CDH6: variants seen among roughly 807,000 people sequenced by gnomAD.
CDH6 encodes cadherin 6.
In CDH6, 31 loss-of-function variants were observed where a neutral mutation model predicts 78.0. That is an observed-to-expected ratio of 0.40 (90% confidence interval 0.30 to 0.54). CDH6 has a LOEUF of 0.54. CDH6 is among the 20% of genes least tolerant of loss of function. The probability of loss-of-function intolerance (pLI) is 0.56; values close to 1 mark genes in which losing one functional copy is unlikely to be tolerated. For missense variants in CDH6, 724 were observed against 975.9 expected (o/e 0.74, Z 3.44); for synonymous variants, 376 against 368.8 (o/e 1.02, Z -0.23).
At chr5:31,230,883 A>G (rs1741295187) in intron 1 of CDH6, among the ~76,000 whole-genome samples, 1 of 152,204 alleles carries the variant, frequency 6.6e-6, no homozygotes, top group Non-Finnish European at 1.5e-5. Context: ...GTGAATGAAA[A>G]GATTAGTGTG....
intron 1 of CDH6, among the ~76,000 whole-genome samples, chr5:31,257,036 C>T (rs1041843410): frequency 6.6e-6 from 1 of 152,200 alleles, no homozygotes; most frequent in Non-Finnish European, 1.5e-5. Flanking sequence ...ACATCCATGC[C>T]TTTTCAAACC....
At chr5:31,282,220 T>G (rs936481545) in intron 2 of CDH6, among the ~76,000 whole-genome samples, 1 of 152,136 alleles carries the variant, frequency 6.6e-6, no homozygotes, top group Non-Finnish European at 1.5e-5. Context: ...AGAAATGGGT[T>G]TCACTGGGCT....
chr5:31,268,533 A>T (rs1412698706), intron 2 of CDH6, among the ~76,000 whole-genome samples: 3 of 152,228 alleles, frequency 2.0e-5, no homozygotes, highest in Admixed American at 2.0e-4. Context: ...TACTGAAAAG[A>T]TGTCAAAGAA....
chr5:31,237,435 A>T (rs1034489788), intron 1 of CDH6, among the ~76,000 whole-genome samples: 7 of 152,132 alleles, frequency 4.6e-5, no homozygotes, highest in African/African-American at 1.4e-4. Flanking sequence ...GAGAGATCAT[A>T]CTTCATGTTG....
intron 7 of CDH6, among the ~76,000 whole-genome samples, chr5:31,307,213 T>C (rs182760451): frequency 2.6e-5 from 4 of 152,336 alleles, no homozygotes; most frequent in African/African-American, 9.6e-5. Context: ...CCTTTGAGTA[T>C]AAGAGTTAAC....
chr5:31,196,550 G>A (rs961374557), intron 1 of CDH6, among the ~76,000 whole-genome samples: 3 of 152,170 alleles, frequency 2.0e-5, no homozygotes, highest in Non-Finnish European at 2.9e-5. Context: ...GGGACCTCTA[G>A]TGGGTCACTC....
intron 1 of CDH6, among the ~76,000 whole-genome samples, chr5:31,202,684 T>A (rs756158202): frequency 6.6e-6 from 1 of 151,472 alleles, no homozygotes; most frequent in Middle Eastern, 3.4e-3. Context: ...TGCAACTGTA[T>A]GTATATATAC....
At chr5:31,293,852 C>A in intron 2 of CDH6, 110 bp from the exon 3 acceptor site, 2 of 621,650 alleles carry the variant, frequency 3.2e-6, no homozygotes, top group Non-Finnish European at 5.2e-6. Flanking sequence ...AACTTGTATT[C>A]CTTAGAAAGA....
chr5:31,199,683 G>GTA (rs1369706220), intron 1 of CDH6, among the ~76,000 whole-genome samples: 53 of 59,676 alleles, frequency 8.9e-4, no homozygotes, highest in Admixed American at 2.6e-3. Flanking sequence ...GTGTGTGTGT[G>GTA]TGTATATATA....
chr5:31,313,528 G>C (rs1738214257), intron 8 of CDH6, 74 bp downstream of exon 8: 1 of 1,396,272 alleles, frequency 7.2e-7, no homozygotes, highest in Non-Finnish European at 9.9e-7. Flanking sequence ...GTGGAGCGTA[G>C]CTTGTCACCA....
chr5:31,319,391 G>T (rs970915603), intron 11 of CDH6, among the ~76,000 whole-genome samples: 4 of 152,186 alleles, frequency 2.6e-5, no homozygotes, highest in Non-Finnish European at 5.9e-5. Context: ...TTTAGCCTTT[G>T]TTAGGTATAC....
rs567637147 is a variant in CDH6, at chr5:31,203,870, T to C, written c.-129+9984T>C. Among the ~76,000 whole-genome samples, 133 of 152,012 alleles carry C rather than the reference T, an allele frequency of 8.7e-4. 1 individual carries two copies. Among genetic ancestry groups the C allele is most frequent in the African/African-American group, 3.0e-3 (125 of 41,466 alleles). On this transcript the variant is annotated intron_variant, in intron 1 of 11. Transcript: ENST00000265071. ...CTAGTTTACAGTCCCACCAACAGTG[T>C]AAAAGTGTTCCTATTTCTCCACATC... is the stretch of plus-strand genomic sequence containing the variant.
At position 31,302,907 on chromosome 5, in the gene CDH6, G is replaced by GAAAGAAAGAA. The variant is rs1561066354; in HGVS notation, c.999+611_999+620dup. On this transcript the variant is annotated intron_variant, in intron 6 of 11. Transcript: ENST00000265071. ...GGAAGGAAAGAAAGAAAGAAAAAAAGAAAGAAAGAAAGAAAGAAAGAAAGA... is the reference window on the plus strand; with the variant it reads ...GGAAGGAAAGAAAGAAAGAAAAAAAGAAAGAAAGAAAAAGAAAGAAAGAAAGAAAGAAAGA... Among the ~76,000 whole-genome samples the GAAAGAAAGAA allele has an allele frequency of 4.6e-5, 4 of 86,868 alleles. No homozygotes were observed. The South Asian group carries it at 1.2e-3, about 27-fold the overall frequency. The allele number at this position is 86,868 out of a possible 152,430, so 57.0% of individuals were successfully genotyped here. A position where few individuals can be genotyped will look rare whatever the true frequency, so the allele number is the denominator to read the frequency against.
At chr5:31,205,384 G>A (rs1740487736) in intron 1 of CDH6, among the ~76,000 whole-genome samples, 1 of 152,144 alleles carries the variant, frequency 6.6e-6, no homozygotes, top group East Asian at 1.9e-4. Flanking sequence ...ACTTGATAGG[G>A]CAGCCCAGCT....
intron 1 of CDH6, among the ~76,000 whole-genome samples, chr5:31,256,917 T>C (rs1370103266): frequency 1.3e-5 from 2 of 152,156 alleles, no homozygotes; most frequent in African/African-American, 4.8e-5. Context: ...AGAGGTGGAA[T>C]AGCTTGTCTG....
intron 2 of CDH6, among the ~76,000 whole-genome samples, chr5:31,275,323 G>C (rs777105693): frequency 1.3e-5 from 2 of 152,068 alleles, no homozygotes; most frequent in Non-Finnish European, 2.9e-5. Context: ...TCTACAGTTA[G>C]TTTTTCAACT....
At chr5:31,260,565 A>T (rs757748244) in intron 1 of CDH6, among the ~76,000 whole-genome samples, 5 of 152,192 alleles carry the variant, frequency 3.3e-5, no homozygotes, top group African/African-American at 4.8e-5. Flanking sequence ...TTTTATCTTT[A>T]TTAATGCAAT....
At chr5:31,272,780 A>G (rs1052125988) in intron 2 of CDH6, among the ~76,000 whole-genome samples, 3 of 152,178 alleles carry the variant, frequency 2.0e-5, no homozygotes, top group Non-Finnish European at 2.9e-5. Flanking sequence ...AGGTGCTTCT[A>G]TTTTTAGTAA....
In CDH6 at chr5:31,259,187, G is replaced by A. The variant is rs145354300; in HGVS notation, c.-128-8159G>A. ...AGACATCATGTAATTGATAAAAGACGTACATATATCATCCAAAATTAATTA... is the reference window on the plus strand; with the variant it reads ...AGACATCATGTAATTGATAAAAGACATACATATATCATCCAAAATTAATTA... On this transcript the variant is annotated intron_variant, in intron 1 of 11. Transcript: ENST00000265071. 6.5e-3 allele frequency among the ~76,000 whole-genome samples: 987 copies of A among 152,192 alleles called. 9 individuals carry two copies. The highest frequency in any genetic ancestry group is 0.023 in the African/African-American group (943 of 41,540).
Sources: allele counts gnomAD v4.1 joint callset (sites outside exome capture counted in the v4.1 genomes callset), GRCh38; gene constraint gnomAD v4.1.1; transcripts MANE v1.5; gene names NCBI Gene and HGNC (gene_info 2026-07-23, HGNC 2026-07-21).